The following MYO3B variants were observed in gnomAD, a reference collection of about 807,000 sequenced individuals.
MYO3B encodes myosin-IIIb.
MYO3B carries 156 observed loss-of-function variants against 174.6 expected under a neutral mutation model. The observed-to-expected ratio is 0.89, with a 90% CI of 0.78 to 1.02. The LOEUF is 1.02. Ranked by LOEUF, MYO3B falls within the 50% of genes least tolerant of loss-of-function variation. The pLI, the probability that MYO3B is intolerant of heterozygous loss-of-function variation, is 0.00. For synonymous variants in MYO3B, 563 were observed against 569.1 expected (o/e 0.99, Z 0.15); for missense variants, 1,632 against 1,639.4 (o/e 1.00, Z 0.08).
At chr2:170,285,260 G>T (rs183335096) in intron 7 of MYO3B, among the ~76,000 whole-genome samples, 7 of 152,004 alleles carry the variant, frequency 4.6e-5, no homozygotes, top group Non-Finnish European at 1.0e-4. Flanking sequence ...TTAACAACTC[G>T]CATTCCAAAG....
chr2:170,346,188 T>C (rs1418512327), intron 8 of MYO3B: 1 of 152,234 alleles, frequency 6.6e-6, no homozygotes, highest in East Asian at 1.9e-4. Context: ...CTGTGAATAT[T>C]GTAGAGCAAG....
chr2:170,451,335 TAGGCGGCATGGCTTACGCC>T (rs1490374671), intron 23 of MYO3B, among the ~76,000 whole-genome samples: 1 of 152,274 alleles, frequency 6.6e-6, no homozygotes, highest in Non-Finnish European at 1.5e-5. Context: ...CTAGTACAGG[TAGGCGGCATGGCTTACGCC>T]ACATGTCCCT....
intron 30 of MYO3B, among the ~76,000 whole-genome samples, chr2:170,529,040 A>C (rs2106165728): frequency 6.6e-6 from 1 of 152,318 alleles, no homozygotes; most frequent in Middle Eastern, 3.4e-3. Context: ...GATTCCAAAA[A>C]ATTGCTGTTT....
intron 32 of MYO3B, among the ~76,000 whole-genome samples, chr2:170,581,824 T>C (rs1176829685): frequency 6.6e-6 from 1 of 152,210 alleles, no homozygotes; most frequent in Non-Finnish European, 1.5e-5. Context: ...ATCACACTTT[T>C]GATGATGATG....
chr2:170,316,315 G>A (rs186017153), intron 7 of MYO3B, among the ~76,000 whole-genome samples: 8 of 152,240 alleles, frequency 5.3e-5, no homozygotes, highest in African/African-American at 1.9e-4. Flanking sequence ...TGAAACCAAG[G>A]TATTTCTAGG....
At chr2:170,417,014 A>G (rs1308607384) in intron 22 of MYO3B, among the ~76,000 whole-genome samples, 2 of 151,902 alleles carry the variant, frequency 1.3e-5, no homozygotes, top group Non-Finnish European at 2.9e-5. Flanking sequence ...TTTTTAGTAG[A>G]GACGGGGTTT....
At chr2:170,374,984 G>T (rs1157010206) in intron 9 of MYO3B, among the ~76,000 whole-genome samples, 1 of 152,164 alleles carries the variant, frequency 6.6e-6, no homozygotes, top group Non-Finnish European at 1.5e-5. Flanking sequence ...CAATAGAGCA[G>T]TTATTAATCC....
At chr2:170,402,630 C>T (rs1452190161) in intron 18 of MYO3B, among the ~76,000 whole-genome samples, 1 of 151,370 alleles carries the variant, frequency 6.6e-6, no homozygotes, top group Admixed American at 6.6e-5. Flanking sequence ...GATTCTACTG[C>T]TTGAAAAAAA....
intron 32 of MYO3B, among the ~76,000 whole-genome samples, chr2:170,618,542 C>T (rs1256202536): frequency 6.6e-6 from 1 of 152,154 alleles, no homozygotes; most frequent in African/African-American, 2.4e-5. Flanking sequence ...TCTTCAGGAT[C>T]TGGTCAGCAG....
chr2:170,616,857 A>C (rs2105314271), intron 32 of MYO3B, among the ~76,000 whole-genome samples: 1 of 152,358 alleles, frequency 6.6e-6, no homozygotes, highest in Middle Eastern at 3.4e-3. Context: ...CTAAAGCTTT[A>C]AATTATCTTC....
intron 9 of MYO3B, among the ~76,000 whole-genome samples, chr2:170,372,900 T>G (rs1454916214): frequency 6.6e-6 from 1 of 152,010 alleles, no homozygotes; most frequent in African/African-American, 2.4e-5. Flanking sequence ...TAGAGAGAGC[T>G]TGGGGAATCT....
chr2:170,628,508 G>T (rs1696660392), intron 32 of MYO3B, among the ~76,000 whole-genome samples: 1 of 152,192 alleles, frequency 6.6e-6, no homozygotes. Flanking sequence ...ATGAGGCAAT[G>T]CCTTGCCCTG....
intron 7 of MYO3B, among the ~76,000 whole-genome samples, chr2:170,244,016 G>A (rs2093163970): frequency 1.3e-5 from 2 of 152,140 alleles, no homozygotes; most frequent in African/African-American, 2.4e-5. Context: ...GAGGAAGCAG[G>A]GCTGGCCTTA....
At chr2:170,599,984 A>G (rs1694407906) in intron 32 of MYO3B, among the ~76,000 whole-genome samples, 1 of 152,146 alleles carries the variant, frequency 6.6e-6, no homozygotes. Flanking sequence ...GTCAGCCATA[A>G]TTGTTGATTA....
chr2:170,494,782 T>C (rs146041735), intron 25 of MYO3B, among the ~76,000 whole-genome samples: 22 of 150,548 alleles, frequency 1.5e-4, no homozygotes, highest in Admixed American at 6.6e-4. Flanking sequence ...AAAAAGAAGT[T>C]ACGTGGATTT....
At chr2:170,635,896 G>C (rs980691669) in intron 32 of MYO3B, among the ~76,000 whole-genome samples, 2 of 152,140 alleles carry the variant, frequency 1.3e-5, no homozygotes, top group Non-Finnish European at 2.9e-5. Context: ...ACCCCTGACT[G>C]ACATTTCCTT....
chr2:170,321,423 AAGAG>A lies in MYO3B; in HGVS notation c.750-13958_750-13955del, dbSNP rs1258700252. On this transcript the variant is annotated intron_variant, in intron 7 of 34. Transcript: ENST00000408978. ...TTATTAACTAACCTAATCAAGAAAA[AAGAG>A]AGAAAGTTTAAATATACAAAAAATA... Among the ~76,000 whole-genome samples the A allele has an allele frequency of 3.9e-5, 6 of 152,272 alleles. No individual in the cohort carries two copies. In the East Asian group the frequency reaches 9.6e-4, roughly 24 times the overall value.
chr2:170,189,598 A>T (rs887894366), intron 1 of MYO3B, among the ~76,000 whole-genome samples: 1 of 151,842 alleles, frequency 6.6e-6, no homozygotes, highest in Non-Finnish European at 1.5e-5. Flanking sequence ...CTTCTGCTTG[A>T]TCAATTCTGC....
intron 22 of MYO3B, among the ~76,000 whole-genome samples, chr2:170,426,971 T>C (rs892993367): frequency 6.6e-6 from 1 of 151,998 alleles, no homozygotes; most frequent in Non-Finnish European, 1.5e-5. Flanking sequence ...TCAGCCGAGA[T>C]TGCGCCATTG....
Sources: allele counts gnomAD v4.1 joint callset (sites outside exome capture counted in the v4.1 genomes callset), GRCh38; gene constraint gnomAD v4.1.1; transcripts MANE v1.5; gene names NCBI Gene and HGNC (gene_info 2026-07-23, HGNC 2026-07-21).